The following KIAA0319 variants were observed in gnomAD, a reference collection of about 807,000 sequenced individuals.
KIAA0319 encodes KIAA0319, also known as dyslexia-associated protein KIAA0319.
Under a neutral mutation model 108.4 loss-of-function variants are expected in KIAA0319, and 83 were observed. The observed-to-expected ratio is 0.77, with a 90% CI of 0.64 to 0.92. The LOEUF is 0.92. Among genes scored for constraint, KIAA0319 ranks in the 40% least tolerant of loss-of-function variants. The probability of loss-of-function intolerance (pLI) is 0.00; values close to 1 mark genes in which losing one functional copy is unlikely to be tolerated. For synonymous variants in KIAA0319, 484 were observed against 510.4 expected (o/e 0.95, Z 0.70); for missense variants, 1,195 against 1,322.4 (o/e 0.90, Z 1.49).
intron 1 of KIAA0319, among the ~76,000 whole-genome samples, chr6:24,622,896 G>A (rs886166010): frequency 3.9e-5 from 6 of 152,020 alleles, no homozygotes; most frequent in South Asian, 2.1e-4. Flanking sequence ...AAAATTAGTC[G>A]GACATGGTGG....
At chr6:24,600,415 G>C (rs1018296467) in intron 2 of KIAA0319, among the ~76,000 whole-genome samples, 1 of 152,118 alleles carries the variant, frequency 6.6e-6, no homozygotes, top group Non-Finnish European at 1.5e-5. Flanking sequence ...CAAAATTTGG[G>C]TGCTTCTGAA....
chr6:24,569,343 A>G (rs965036835), intron 12 of KIAA0319, among the ~76,000 whole-genome samples: 2 of 152,214 alleles, frequency 1.3e-5, no homozygotes. Flanking sequence ...CAGTATAGTC[A>G]CTAAGATCGG....
chr6:24,621,687 C>T (rs747717402), intron 1 of KIAA0319, among the ~76,000 whole-genome samples: 3 of 152,114 alleles, frequency 2.0e-5, no homozygotes, highest in East Asian at 1.9e-4. Context: ...CATAACAACA[C>T]AGGAAAATAA....
rs536594808 is a variant in KIAA0319, at chr6:24,579,966, G to A, written c.1280-16C>T. 12 of 1,446,912 alleles carry A rather than the reference G, an allele frequency of 8.3e-6. No individual in the cohort carries two copies. Among genetic ancestry groups the A allele is most frequent in the African/African-American group, 1.4e-5 (1 of 71,092 alleles). 89.6% of individuals were successfully genotyped at this position (1,446,912 alleles called of 1,614,324 possible). On this transcript the variant is annotated splice_polypyrimidine_tract_variant and intron_variant, in intron 7 of 20. Transcript: ENST00000378214. ...ACTCTTCTGGCTGTAACAAAAAAAA[G>A]GACAGTGACTGAGCCCATCTTGTGT...
chr6:24,550,579 C>G lies in KIAA0319; in HGVS notation c.3040+855G>C, dbSNP rs187317470. ...GATCAATACACTTTGTGAAGAAAGT[C>G]AATTTTCTGTAAAGCCTTTGTGTCC... On this transcript the variant is annotated intron_variant, in intron 20 of 20. Coordinates refer to ENST00000378214, the MANE Select transcript of KIAA0319 (RefSeq NM_014809.4). Among the ~76,000 whole-genome samples, 98 of 152,298 alleles carry G rather than the reference C, an allele frequency of 6.4e-4. 1 individual carries two copies. Among genetic ancestry groups the G allele is most frequent in the African/African-American group, 2.2e-3 (93 of 41,570 alleles).
intron 13 of KIAA0319, among the ~76,000 whole-genome samples, chr6:24,567,756 T>C (rs1214883086): frequency 6.6e-6 from 1 of 152,016 alleles, no homozygotes; most frequent in African/African-American, 2.4e-5. Flanking sequence ...TGTAATAACT[T>C]CAGAAAAGAG....
rs1764882001 is a variant in KIAA0319, at chr6:24,572,645, T to C, written c.1788A>G (p.Thr596=). The change falls in exon 11 of 21, where the codon ACA becomes ACG. Residue 596 remains threonine (T), a synonymous_variant. Coordinates refer to ENST00000378214, the MANE Select transcript of KIAA0319 (RefSeq NM_014809.4). ...HLSAMQEGDY[T]FQLKVTDSSR... ...AAGAATCTGTCACCTTCAGCTGAAA[T>C]GTATAATCTCCTTCCTGCATTGCAG... is the stretch of plus-strand genomic sequence containing the variant. The C allele has an allele frequency of 6.2e-7, 1 of 1,613,908 alleles. No homozygotes were observed. The highest frequency in any genetic ancestry group is 8.5e-7 in the Non-Finnish European group (1 of 1,179,954).
At chr6:24,592,370 C>G (rs1225832000) in intron 3 of KIAA0319, among the ~76,000 whole-genome samples, 2 of 152,076 alleles carry the variant, frequency 1.3e-5, no homozygotes, top group African/African-American at 4.8e-5. Context: ...GAGAAAAGAT[C>G]TTAGTTTCTG....
downstream of KIAA0319, among the ~76,000 whole-genome samples, chr6:24,543,831 C>G (rs1278267219): frequency 5.3e-5 from 8 of 152,228 alleles, no homozygotes; most frequent in Admixed American, 1.3e-4. Flanking sequence ...ATGCTGTGGG[C>G]CTTCTGGCAC....
chr6:24,631,457 G>A (rs973888273), intron 1 of KIAA0319, among the ~76,000 whole-genome samples: 1 of 152,160 alleles, frequency 6.6e-6, no homozygotes, highest in Non-Finnish European at 1.5e-5. Context: ...GAAAGAAATG[G>A]TAAGAAACAA....
At position 24,554,591 on chromosome 6, in the gene KIAA0319, A is replaced by G; in HGVS notation, c.2898T>C (p.Leu966=). 6.2e-7 allele frequency: 1 copy of G among 1,614,032 alleles called. No individual in the cohort carries two copies. Among genetic ancestry groups the G allele is most frequent in the Non-Finnish European group, 8.5e-7 (1 of 1,179,956 alleles). Residue 966 remains leucine (L), a synonymous_variant, in exon 19 of 21, where the codon CTT becomes CTC. Coordinates refer to ENST00000378214, the MANE Select transcript of KIAA0319 (RefSeq NM_014809.4). ...IFYVTVLAFT[L]IVLTGGFTWL... is the part of the protein sequence containing the mutation. ...AAGTGAAACCTCCTGTTAGCACAAT[A>G]AGAGTAAAAGCCAACACTGTCACAT... is the stretch of plus-strand genomic sequence containing the variant.
intron 17 of KIAA0319, 94 bp from the exon 18 acceptor site, chr6:24,556,823 T>C (rs2127428591): frequency 7.2e-7 from 1 of 1,382,992 alleles, no homozygotes; most frequent in East Asian, 2.4e-5. Context: ...AGGTCCCAAA[T>C]AAAAGCATCT....
At chr6:24,578,724 T>C (rs536986639) in intron 8 of KIAA0319, among the ~76,000 whole-genome samples, 56 of 152,346 alleles carry the variant, frequency 3.7e-4, no homozygotes, top group Non-Finnish European at 6.8e-4. Context: ...AAATCTTCCA[T>C]TTCTACTTTA....
At position 24,559,008 on chromosome 6, in the gene KIAA0319, C is replaced by T. The variant is rs774722924; in HGVS notation, c.2734+5G>A. ...TTGTTTTAGAATATTCCATAGGAGA[C>T]CTACCTGCTGTATCAACCCTCAAGA... On this transcript the variant is annotated splice_donor_5th_base_variant and intron_variant, in intron 17 of 20. Coordinates refer to ENST00000378214, the MANE Select transcript of KIAA0319 (RefSeq NM_014809.4). 1 of 1,607,914 alleles carries T rather than the reference C, an allele frequency of 6.2e-7. No homozygotes were observed. The highest frequency in any genetic ancestry group is 1.3e-5 in the African/African-American group (1 of 74,978).
intron 13 of KIAA0319, among the ~76,000 whole-genome samples, chr6:24,567,934 T>C (rs752745588): frequency 6.6e-6 from 1 of 152,212 alleles, no homozygotes; most frequent in African/African-American, 2.4e-5. Context: ...TCAAGATGCC[T>C]GTTCAGACTA....
chr6:24,641,032 A>T (rs1218584373), intron 1 of KIAA0319, among the ~76,000 whole-genome samples: 1 of 152,050 alleles, frequency 6.6e-6, no homozygotes. Flanking sequence ...CATCATCTCA[A>T]ACTGAAACTT....
chr6:24,634,415 GTACAA>G (rs1775950992), intron 1 of KIAA0319, among the ~76,000 whole-genome samples: 1 of 152,190 alleles, frequency 6.6e-6, no homozygotes, highest in Non-Finnish European at 1.5e-5. Context: ...GACAAAAGAT[GTACAA>G]GTAATATTTC....
intron 13 of KIAA0319, among the ~76,000 whole-genome samples, chr6:24,567,584 C>T (rs1764081220): frequency 6.6e-6 from 1 of 152,068 alleles, no homozygotes; most frequent in Admixed American, 6.6e-5. Flanking sequence ...ACCTGTAGAC[C>T]CAGCTACTCA....
intron 17 of KIAA0319, 30 bp from the exon 18 acceptor site, chr6:24,556,759 G>C: frequency 6.3e-7 from 1 of 1,592,280 alleles, no homozygotes. Context: ...GCTGAGGGCA[G>C]CATGCAGAAA....
Sources: allele counts gnomAD v4.1 joint callset (sites outside exome capture counted in the v4.1 genomes callset), GRCh38; gene constraint gnomAD v4.1.1; transcripts MANE v1.5; gene names NCBI Gene and HGNC (gene_info 2026-07-23, HGNC 2026-07-21).